The following AFF3 variants were observed in gnomAD, a reference collection of about 807,000 sequenced individuals.
AFF3 encodes ALF transcription elongation factor 3.
A neutral mutation model predicts 129.7 loss-of-function variants in AFF3; 32 were observed. That is an observed-to-expected ratio of 0.25 (90% CI 0.19 to 0.33). AFF3 has a LOEUF of 0.33. AFF3 is among the 10% of genes least tolerant of loss of function. The pLI is 1.00. For synonymous variants in AFF3, 644 were observed against 635.4 expected (o/e 1.01, Z -0.20); for missense variants, 1,373 against 1,592.0 (o/e 0.86, Z 2.34).
chr2:99,985,213 T>C (rs1679758063), intron 7 of AFF3, among the ~76,000 whole-genome samples: 1 of 152,238 alleles, frequency 6.6e-6, no homozygotes, highest in Admixed American at 6.5e-5. Flanking sequence ...TAATAAAGTA[T>C]AAGGCAATGT....
chr2:99,782,306 A>G (rs1684477399), intron 8 of AFF3, among the ~76,000 whole-genome samples: 1 of 152,266 alleles, frequency 6.6e-6, no homozygotes, highest in Non-Finnish European at 1.5e-5. Flanking sequence ...ATAAAGAAGC[A>G]GGATTCCCTT....
In AFF3 at chr2:99,794,788, T is replaced by G. The variant is rs146535719; in HGVS notation, c.922-42487A>C. On this transcript the variant is annotated intron_variant, in intron 8 of 24. Transcript: ENST00000672756. ...TAGAAAGCAGCTCTGAATATAAATC[T>G]GAGATGACTACAGTAGTCACCTAAT... 2.4e-4 allele frequency among the ~76,000 whole-genome samples: 37 copies of G among 152,316 alleles called. No individual in the cohort carries two copies. In the East Asian group the frequency reaches 7.2e-3, roughly 29 times the overall value.
At chr2:99,633,512 A>C (rs1683324486) in intron 13 of AFF3, among the ~76,000 whole-genome samples, 1 of 152,204 alleles carries the variant, frequency 6.6e-6, no homozygotes, top group Non-Finnish European at 1.5e-5. Flanking sequence ...TGTGTGCTAT[A>C]GTTTGAATAT....
chr2:99,873,727 G>GT (rs1692050810), intron 7 of AFF3, among the ~76,000 whole-genome samples: 1 of 148,316 alleles, frequency 6.7e-6, no homozygotes, highest in African/African-American at 2.5e-5. Flanking sequence ...CCATCTTAGT[G>GT]GTTTTTTTTT....
intron 10 of AFF3, among the ~76,000 whole-genome samples, chr2:99,729,039 TA>T (rs937538095): frequency 6.9e-4 from 105 of 152,328 alleles, no homozygotes; most frequent in African/African-American, 2.5e-3. Context: ...AATGGAAGTA[TA>T]TTTTTTTTCT....
intron 7 of AFF3, among the ~76,000 whole-genome samples, chr2:99,887,280 T>A (rs910521990): frequency 4.6e-5 from 7 of 152,230 alleles, no homozygotes; most frequent in Non-Finnish European, 8.8e-5. Flanking sequence ...AGGGTAAACA[T>A]ACTCTATTGT....
At chr2:99,584,762 G>T (rs1677926631) in intron 16 of AFF3, among the ~76,000 whole-genome samples, 1 of 152,228 alleles carries the variant, frequency 6.6e-6, no homozygotes, top group African/African-American at 2.4e-5. Flanking sequence ...GGTAGAGTCA[G>T]TTAAAAAATG....
At chr2:99,647,658 AAAAG>A (rs925542105) in intron 13 of AFF3, among the ~76,000 whole-genome samples, 1 of 152,226 alleles carries the variant, frequency 6.6e-6, no homozygotes, top group Admixed American at 6.5e-5. Flanking sequence ...TGAAGAAAAA[AAAAG>A]AAAGAAAGAA....
At chr2:100,078,359 T>G (rs1440935378) in intron 4 of AFF3, among the ~76,000 whole-genome samples, 1 of 152,200 alleles carries the variant, frequency 6.6e-6, no homozygotes, top group Non-Finnish European at 1.5e-5. Context: ...ACTCACAGCT[T>G]TTACAGGGCT....
chr2:99,677,534 G>C (rs987077441), intron 11 of AFF3, among the ~76,000 whole-genome samples: 3 of 152,116 alleles, frequency 2.0e-5, no homozygotes, highest in Non-Finnish European at 2.9e-5. Context: ...TGGGCATGTT[G>C]TAACACCCTT....
chr2:99,886,709 T>G (rs1365382889), intron 7 of AFF3, among the ~76,000 whole-genome samples: 1 of 152,128 alleles, frequency 6.6e-6, no homozygotes, highest in African/African-American at 2.4e-5. Flanking sequence ...AAAAAATTAG[T>G]GATGGAAAAA....
chr2:99,734,654 ATAAT>A (rs1245828840), intron 10 of AFF3, among the ~76,000 whole-genome samples: 2 of 152,096 alleles, frequency 1.3e-5, no homozygotes, highest in South Asian at 2.1e-4. Context: ...ATATTTTAAT[ATAAT>A]TAATCATGTT....
At position 100,105,485 on chromosome 2, in the gene AFF3, C is replaced by T; in HGVS notation, c.-65+19G>A. ...CTGGCCAGCCCTGGAAACCAACCTC[C>T]TTTCTTTTTATTTCTCACCGGGAAG... On this transcript the variant is annotated intron_variant, in intron 3 of 24. Coordinates refer to ENST00000672756, the MANE Select transcript of AFF3 (RefSeq NM_001386135.1). 1 of 1,327,792 alleles carries T rather than the reference C, an allele frequency of 7.5e-7. No individual in the cohort carries two copies. Among genetic ancestry groups the T allele is most frequent in the African/African-American group, 1.5e-5 (1 of 66,738 alleles). 82.3% of individuals were successfully genotyped at this position (1,327,792 alleles called of 1,614,324 possible).
intron 9 of AFF3, among the ~76,000 whole-genome samples, chr2:99,746,025 T>C (rs868364769): frequency 4.2e-4 from 64 of 152,270 alleles, no homozygotes; most frequent in African/African-American, 1.4e-3. Flanking sequence ...GGGTACAATG[T>C]ACACTACTCA....
At chr2:99,915,376 T>A (rs1695406129) in intron 7 of AFF3, among the ~76,000 whole-genome samples, 1 of 152,158 alleles carries the variant, frequency 6.6e-6, no homozygotes, top group Admixed American at 6.5e-5. Context: ...TCACTACACG[T>A]TATTTATATA....
chr2:99,554,553 A>G lies in AFF3; in HGVS notation c.3336-19T>C. On this transcript the variant is annotated intron_variant, in intron 23 of 24. Coordinates refer to ENST00000672756, the MANE Select transcript of AFF3 (RefSeq NM_001386135.1). ...AGTGCTCCTGGAAGGGGAGAGGTAG[A>G]AAAACCAGAGTGGCGAGGTCGGGAG... 6.2e-7 allele frequency: 1 copy of G among 1,610,414 alleles called. No homozygotes were observed. Among genetic ancestry groups the G allele is most frequent in the Non-Finnish European group, 8.5e-7 (1 of 1,177,964 alleles).
At chr2:100,106,156 C>A (rs1691278876) in intron 2 of AFF3, 20 of 1,220,142 alleles carry the variant, frequency 1.6e-5, no homozygotes, top group Non-Finnish European at 2.1e-5. Context: ...CTCCCTTCTT[C>A]CCCCAGCTCT....
chr2:100,137,862 T>A (rs1692698170), intron 1 of AFF3, among the ~76,000 whole-genome samples: 1 of 152,178 alleles, frequency 6.6e-6, no homozygotes, highest in Non-Finnish European at 1.5e-5. Flanking sequence ...TATCCATTAC[T>A]GTGATTTTGT....
chr2:99,622,937 T>C (rs772103902), intron 13 of AFF3, among the ~76,000 whole-genome samples: 1 of 152,180 alleles, frequency 6.6e-6, no homozygotes. Flanking sequence ...TTGATCAGAA[T>C]GACTCTGCTT....
Sources: allele counts gnomAD v4.1 joint callset (sites outside exome capture counted in the v4.1 genomes callset), GRCh38; gene constraint gnomAD v4.1.1; transcripts MANE v1.5; gene names NCBI Gene and HGNC (gene_info 2026-07-23, HGNC 2026-07-21).